Variants in SLC44A5 observed in about 807,000 individuals in gnomAD.
The protein encoded by SLC44A5 is choline transporter-like protein 5.
A neutral mutation model predicts 101.8 loss-of-function variants in SLC44A5; 57 were observed. The observed-to-expected ratio is 0.56, with a 90% CI of 0.45 to 0.70. SLC44A5 has a LOEUF of 0.70. SLC44A5 is among the 30% of genes least tolerant of loss of function. The probability of loss-of-function intolerance (pLI) is 0.00; values close to 1 mark genes in which losing one functional copy is unlikely to be tolerated. For synonymous variants in SLC44A5, 281 were observed against 290.9 expected (o/e 0.97, Z 0.35); for missense variants, 737 against 853.1 (o/e 0.86, Z 1.70).
rs114417044 is a variant in SLC44A5, at chr1:75,388,498, C to T, written c.52+8085G>A. Among the ~76,000 whole-genome samples the T allele has an allele frequency of 4.9e-3, 752 of 152,152 alleles. 11 individuals are homozygous for T. Among genetic ancestry groups the T allele is most frequent in the African/African-American group, 0.017 (720 of 41,540 alleles). On this transcript the variant is annotated intron_variant, in intron 3 of 23. Coordinates refer to ENST00000370859, the MANE Select transcript of SLC44A5 (RefSeq NM_001130058.2). Reference sequence around the variant, plus strand: ...ACAACAGGATCAAAACCTCACATATCGTCCATGTGCAGTGGCTCATGCCTG... The same window carrying T: ...ACAACAGGATCAAAACCTCACATATTGTCCATGTGCAGTGGCTCATGCCTG...
intron 22 of SLC44A5, among the ~76,000 whole-genome samples, chr1:75,212,269 T>C (rs1481228508): frequency 1.3e-5 from 2 of 152,106 alleles, no homozygotes; most frequent in African/African-American, 4.8e-5. Flanking sequence ...AGGGGTTTTG[T>C]GTACAGATTA....
chr1:75,313,344 T>A (rs1004660883), intron 4 of SLC44A5, among the ~76,000 whole-genome samples: 1 of 152,236 alleles, frequency 6.6e-6, no homozygotes, highest in African/African-American at 2.4e-5. Flanking sequence ...CCTATATTTG[T>A]CTCTCTGACA....
intron 3 of SLC44A5, among the ~76,000 whole-genome samples, chr1:75,386,539 G>A (rs1011244287): frequency 1.6e-4 from 25 of 152,100 alleles, no homozygotes; most frequent in East Asian, 3.9e-4. Flanking sequence ...ACTACAAACC[G>A]CTGCTCAAGG....
chr1:75,273,104 T>C lies in SLC44A5; in HGVS notation c.260+1854A>G, dbSNP rs191232114. The stretch of plus-strand genomic sequence containing the variant: ...TTGTAGAGATCTTTCACCTTGTTGG[T>C]TAAGTGTGTTCCTAGGTATTTTATT... On this transcript the variant is annotated intron_variant, in intron 6 of 23. Transcript: ENST00000370859. Among the ~76,000 whole-genome samples, 44 of 152,274 alleles carry C rather than the reference T, an allele frequency of 2.9e-4. 1 individual carries two copies. In the East Asian group the frequency reaches 8.1e-3, roughly 28 times the overall value.
At chr1:75,597,517 T>C (rs1674712185) in intron 1 of SLC44A5, among the ~76,000 whole-genome samples, 1 of 152,126 alleles carries the variant, frequency 6.6e-6, no homozygotes, top group Admixed American at 6.5e-5. Flanking sequence ...AGAGTAAAGC[T>C]GGAGGCATCA....
chr1:75,465,324 A>G (rs1006351573), intron 2 of SLC44A5, among the ~76,000 whole-genome samples: 1 of 152,158 alleles, frequency 6.6e-6, no homozygotes, highest in Non-Finnish European at 1.5e-5. Flanking sequence ...TGGGCCAATG[A>G]AGAAATTAAG....
At chr1:75,239,821 G>T (rs1327168130) in intron 9 of SLC44A5, among the ~76,000 whole-genome samples, 1 of 151,998 alleles carries the variant, frequency 6.6e-6, no homozygotes, top group Non-Finnish European at 1.5e-5. Context: ...ACAAGGCTTG[G>T]CACACTGTAG....
At chr1:75,293,463 C>A (rs939491430) in intron 5 of SLC44A5, among the ~76,000 whole-genome samples, 2 of 152,036 alleles carry the variant, frequency 1.3e-5, no homozygotes, top group Admixed American at 1.3e-4. Flanking sequence ...TGTTGGCTTT[C>A]GAATCATTAC....
the SLC44A5 span, among the ~76,000 whole-genome samples, chr1:75,684,056 G>A: frequency 6.6e-6 from 1 of 152,214 alleles, no homozygotes. Flanking sequence ...TCACAATTAT[G>A]GTGGAACGAA....
At chr1:75,470,037 G>T (rs772725449) in intron 2 of SLC44A5, among the ~76,000 whole-genome samples, 12 of 151,900 alleles carry the variant, frequency 7.9e-5, no homozygotes, top group East Asian at 1.9e-4. Context: ...TTAGAGGCAA[G>T]TATTTATCAC....
At chr1:75,679,792 G>A in the SLC44A5 span, among the ~76,000 whole-genome samples, 1 of 151,986 alleles carries the variant, frequency 6.6e-6, no homozygotes, top group Non-Finnish European at 1.5e-5. Flanking sequence ...TGGACTAAAT[G>A]CTCCAAGTAA....
At chr1:75,722,602 C>T in the SLC44A5 span, among the ~76,000 whole-genome samples, 2 of 152,164 alleles carry the variant, frequency 1.3e-5, no homozygotes, top group Non-Finnish European at 2.9e-5. Flanking sequence ...GCTGACCAAT[C>T]GTTACCACCT....
At chr1:75,355,403 T>A (rs1179729039) in intron 3 of SLC44A5, among the ~76,000 whole-genome samples, 3 of 152,212 alleles carry the variant, frequency 2.0e-5, no homozygotes, top group Non-Finnish European at 4.4e-5. Context: ...TCTCAGTTTC[T>A]GTTAAAGGAA....
intron 7 of SLC44A5, among the ~76,000 whole-genome samples, chr1:75,244,073 A>G (rs968551866): frequency 6.6e-6 from 1 of 152,104 alleles, no homozygotes; most frequent in African/African-American, 2.4e-5. Flanking sequence ...AACAGAAGCA[A>G]TGCTGGCTCC....
At chr1:75,695,682 A>C in the SLC44A5 span, among the ~76,000 whole-genome samples, 1 of 148,870 alleles carries the variant, frequency 6.7e-6, no homozygotes, top group Admixed American at 6.7e-5. Context: ...ATACTATTTA[A>C]TATATAGTAT....
intron 22 of SLC44A5, 74 bp downstream of exon 22, chr1:75,213,631 T>C: frequency 3.7e-6 from 4 of 1,088,948 alleles, no homozygotes; most frequent in Non-Finnish European, 4.1e-6. Flanking sequence ...GGAATAAATT[T>C]CTGTTGTTTA....
At chr1:75,690,175 C>G in the SLC44A5 span, among the ~76,000 whole-genome samples, 1 of 152,172 alleles carries the variant, frequency 6.6e-6, no homozygotes, top group African/African-American at 2.4e-5. Context: ...AACTGACTCA[C>G]AGTTCTGCAT....
chr1:75,455,993 C>A (rs1666165837), intron 2 of SLC44A5, among the ~76,000 whole-genome samples: 1 of 152,116 alleles, frequency 6.6e-6, no homozygotes, highest in South Asian at 2.1e-4. Context: ...TTTGATCCAG[C>A]AATCTCATTA....
chr1:75,377,370 C>T (rs1351811718), intron 3 of SLC44A5, among the ~76,000 whole-genome samples: 1 of 52,028 alleles, frequency 1.9e-5, no homozygotes, highest in Middle Eastern at 5.3e-3. Context: ...CCCAGGGACA[C>T]AAAAACTGCG....
Sources: allele counts gnomAD v4.1 joint callset (sites outside exome capture counted in the v4.1 genomes callset), GRCh38; gene constraint gnomAD v4.1.1; transcripts MANE v1.5; gene names NCBI Gene and HGNC (gene_info 2026-07-23, HGNC 2026-07-21).